LPAR3: variants seen among roughly 807,000 people sequenced by gnomAD.
LPAR3 encodes the protein lysophosphatidic acid receptor 3.
In LPAR3, 7 loss-of-function variants were observed where a neutral mutation model predicts 17.8. The observed-to-expected ratio is 0.39, with a 90% CI of 0.22 to 0.74. The LOEUF (loss-of-function observed/expected upper bound fraction) is 0.74. Ranked by LOEUF, LPAR3 falls within the 30% of genes least tolerant of loss-of-function variation. LPAR3 has a pLI of 0.40. For synonymous variants in LPAR3, 179 were observed against 179.9 expected (o/e 0.99, Z 0.04); for missense variants, 391 against 453.4 (o/e 0.86, Z 1.25).
At chr1:84,853,483 C>T (rs948655033) in intron 2 of LPAR3, among the ~76,000 whole-genome samples, 10 of 152,210 alleles carry the variant, frequency 6.6e-5, no homozygotes, top group African/African-American at 1.9e-4. Context: ...TTGCCTGACC[C>T]TGCCTCTGAA....
intron 2 of LPAR3, among the ~76,000 whole-genome samples, chr1:84,849,356 A>G (rs1014891038): frequency 7.6e-6 from 1 of 130,790 alleles, no homozygotes; most frequent in African/African-American, 3.0e-5. Context: ...GCCTGGTGAC[A>G]GAGTGAGACT....
intron 1 of LPAR3, 32 bp from the exon 2 acceptor site, chr1:84,866,170 C>A: frequency 1.4e-6 from 2 of 1,472,444 alleles, no homozygotes; most frequent in South Asian, 1.3e-5. Flanking sequence ...AAACAAATAT[C>A]ATTTGTAAAA....
At chr1:84,864,555 C>T (rs1467132029) in intron 2 of LPAR3, among the ~76,000 whole-genome samples, 3 of 152,082 alleles carry the variant, frequency 2.0e-5, no homozygotes, top group African/African-American at 2.4e-5. Context: ...TGTTTAAAAC[C>T]TTCCCATAGC....
intron 1 of LPAR3, among the ~76,000 whole-genome samples, chr1:84,884,167 T>C (rs1403954782): frequency 6.6e-6 from 1 of 152,236 alleles, no homozygotes; most frequent in Non-Finnish European, 1.5e-5. Flanking sequence ...AGTTTTAGGC[T>C]CTTAGCAAAT....
At chr1:84,891,316 A>G (rs1411584014) in intron 1 of LPAR3, among the ~76,000 whole-genome samples, 1 of 152,220 alleles carries the variant, frequency 6.6e-6, no homozygotes, top group Non-Finnish European at 1.5e-5. Context: ...TATGATAGTG[A>G]CAATCAATGT....
At chr1:84,853,524 GCTT>G (rs1285535621) in intron 2 of LPAR3, among the ~76,000 whole-genome samples, 1 of 152,174 alleles carries the variant, frequency 6.6e-6, no homozygotes, top group Non-Finnish European at 1.5e-5. Context: ...CCCTCTTCCT[GCTT>G]CTTCTCTCTC....
At chr1:84,888,151 T>TACAC (rs757810280) in intron 1 of LPAR3, among the ~76,000 whole-genome samples, 51 of 91,056 alleles carry the variant, frequency 5.6e-4, no homozygotes, top group African/African-American at 1.3e-3. Flanking sequence ...TATACATACA[T>TACAC]ACACACACAC....
intron 2 of LPAR3, among the ~76,000 whole-genome samples, chr1:84,829,455 T>C (rs1249929675): frequency 6.6e-6 from 1 of 152,084 alleles, no homozygotes; most frequent in African/African-American, 2.4e-5. Context: ...CTAACTCATC[T>C]GCCAATCCAA....
intron 1 of LPAR3, among the ~76,000 whole-genome samples, chr1:84,878,098 A>C (rs996545247): frequency 2.0e-5 from 3 of 151,952 alleles, no homozygotes; most frequent in Non-Finnish European, 4.4e-5. Flanking sequence ...ACTTAACCTC[A>C]CTTCTAAATT....
At chr1:84,822,002 A>G (rs974158971) in intron 2 of LPAR3, among the ~76,000 whole-genome samples, 11 of 152,200 alleles carry the variant, frequency 7.2e-5, no homozygotes, top group Admixed American at 5.9e-4. Context: ...GAACTCTGAG[A>G]GCTCCAAATT....
chr1:84,851,647 C>T (rs1022376520), intron 2 of LPAR3, among the ~76,000 whole-genome samples: 1 of 152,172 alleles, frequency 6.6e-6, no homozygotes, highest in Non-Finnish European at 1.5e-5. Context: ...ACTCTTGAGT[C>T]GGATCTTGAA....
At position 84,845,018 on chromosome 1, in the gene LPAR3, T is replaced by C. The variant is rs186500232; in HGVS notation, c.736+20367A>G. Among the ~76,000 whole-genome samples, 173 of 152,350 alleles carry C rather than the reference T, an allele frequency of 1.1e-3. 1 individual carries two copies. Among genetic ancestry groups the C allele is most frequent in the African/African-American group, 4.0e-3 (168 of 41,586 alleles). ...ATTAAGATTTTAAACTTCATTTAAA[T>C]TCTAGTGCCAAAGCACTTCAATATT... On this transcript the variant is annotated intron_variant, in intron 2 of 2. Coordinates refer to ENST00000370611, the MANE Select transcript of LPAR3 (RefSeq NM_012152.3).
chr1:84,829,733 A>G (rs1004400261), intron 2 of LPAR3, among the ~76,000 whole-genome samples: 3 of 152,196 alleles, frequency 2.0e-5, no homozygotes, highest in African/African-American at 7.2e-5. Context: ...CTCTTTGGAA[A>G]TGTTTTCTTA....
chr1:84,814,426 G>A, intron 2 of LPAR3, among the ~76,000 whole-genome samples: 1 of 152,174 alleles, frequency 6.6e-6, no homozygotes, highest in East Asian at 1.9e-4. Context: ...TTGTGATTAT[G>A]AGAGACTCAC....
intron 2 of LPAR3, among the ~76,000 whole-genome samples, chr1:84,835,964 T>C (rs1382633850): frequency 8.7e-6 from 1 of 114,930 alleles, no homozygotes; most frequent in Non-Finnish European, 1.9e-5. Flanking sequence ...TTGTTTAATT[T>C]ACCTGGTGTT....
At chr1:84,831,679 A>G (rs1045734408) in intron 2 of LPAR3, among the ~76,000 whole-genome samples, 1 of 151,778 alleles carries the variant, frequency 6.6e-6, no homozygotes, top group African/African-American at 2.4e-5. Flanking sequence ...TGTGGTTTCA[A>G]TATATCTGAT....
chr1:84,868,235 G>A (rs1050082692), intron 1 of LPAR3, among the ~76,000 whole-genome samples: 1 of 152,058 alleles, frequency 6.6e-6, no homozygotes, highest in Admixed American at 6.6e-5. Context: ...TCAGCCTCCT[G>A]AGTAGCTGGG....
intron 2 of LPAR3, among the ~76,000 whole-genome samples, chr1:84,850,438 A>G (rs1032591848): frequency 6.6e-6 from 1 of 151,794 alleles, no homozygotes. Flanking sequence ...AAGAAAAAAA[A>G]TAGCTGGACA....
At chr1:84,883,036 C>G (rs570712660) in intron 1 of LPAR3, among the ~76,000 whole-genome samples, 2 of 152,276 alleles carry the variant, frequency 1.3e-5, no homozygotes, top group East Asian at 3.9e-4. Context: ...ACAAACAGTT[C>G]TAATTTAATT....
Sources: allele counts gnomAD v4.1 joint callset (sites outside exome capture counted in the v4.1 genomes callset), GRCh38; gene constraint gnomAD v4.1.1; transcripts MANE v1.5; gene names NCBI Gene and HGNC (gene_info 2026-07-23, HGNC 2026-07-21).